Variants in GPC5 observed in about 807,000 individuals in gnomAD.
GPC5 encodes glypican-5.
Under a neutral mutation model 53.9 loss-of-function variants are expected in GPC5, and 47 were observed. The observed-to-expected ratio is 0.87, with a 90% CI of 0.69 to 1.11. The LOEUF (loss-of-function observed/expected upper bound fraction) is 1.11, where lower values mean the gene tolerates loss of function less well. GPC5 is among the 50% of genes most tolerant of loss of function. The pLI is 0.00. For missense variants in GPC5, 748 were observed against 713.1 expected (o/e 1.05, Z -0.56); for synonymous variants, 286 against 263.3 (o/e 1.09, Z -0.84).
rs1882740883 is a variant in GPC5 at position 91,473,252 on chromosome 13, C to G, written c.325+24330C>G. Among the ~76,000 whole-genome samples the G allele has an allele frequency of 3.3e-5, 5 of 152,060 alleles. No homozygotes were observed. The South Asian group carries it at 1.0e-3, about 32-fold the overall frequency. On this transcript the variant is annotated intron_variant, in intron 2 of 7. Transcript: ENST00000377067. ...GGGGATTATAGATCTCTCCTATAAT[C>G]CTGTAAGGATTACAGTTCGAGATGA...
chr13:92,105,361 GC>G (rs1452671466), intron 6 of GPC5, among the ~76,000 whole-genome samples: 6 of 151,960 alleles, frequency 3.9e-5, no homozygotes. Flanking sequence ...TGTTTAATAA[GC>G]AAAATAATAG....
chr13:91,930,733 C>G (rs888252922), intron 6 of GPC5, among the ~76,000 whole-genome samples: 1 of 151,998 alleles, frequency 6.6e-6, no homozygotes, highest in African/African-American at 2.4e-5. Flanking sequence ...CTTCTTTTCC[C>G]CAAACTAATC....
chr13:92,284,466 G>C, intron 7 of GPC5, among the ~76,000 whole-genome samples: 1 of 152,136 alleles, frequency 6.6e-6, no homozygotes, highest in Admixed American at 6.5e-5. Flanking sequence ...CGATATCCCT[G>C]ATGAACATCA....
At chr13:91,906,037 C>G (rs368524967) in intron 5 of GPC5, among the ~76,000 whole-genome samples, 5 of 151,966 alleles carry the variant, frequency 3.3e-5, no homozygotes, top group African/African-American at 7.3e-5. Context: ...CCCTCACCCC[C>G]CCTGCCAACG....
At chr13:91,933,436 T>G (rs2039840661) in intron 6 of GPC5, among the ~76,000 whole-genome samples, 1 of 152,012 alleles carries the variant, frequency 6.6e-6, no homozygotes, top group South Asian at 2.1e-4. Context: ...GCATAGAGTA[T>G]TTCTATAGAA....
At chr13:92,301,888 A>G (rs1397714563) in intron 7 of GPC5, among the ~76,000 whole-genome samples, 2 of 152,126 alleles carry the variant, frequency 1.3e-5, no homozygotes, top group African/African-American at 4.8e-5. Flanking sequence ...ACAGAGCAAG[A>G]CTGTCTCAAA....
chr13:91,485,249 G>A (rs1250127999), intron 2 of GPC5, among the ~76,000 whole-genome samples: 2 of 125,088 alleles, frequency 1.6e-5, no homozygotes, highest in African/African-American at 3.2e-5. Flanking sequence ...TCTTGTTCTT[G>A]TCCCCCAGTC....
chr13:91,471,688 C>A (rs904783795), intron 2 of GPC5, among the ~76,000 whole-genome samples: 7 of 152,100 alleles, frequency 4.6e-5, no homozygotes, highest in Non-Finnish European at 1.0e-4. Context: ...TGGCTAGTAC[C>A]TTGTTTTGAC....
At chr13:92,813,641 G>A (rs936392903) in intron 7 of GPC5, among the ~76,000 whole-genome samples, 1 of 151,964 alleles carries the variant, frequency 6.6e-6, no homozygotes, top group African/African-American at 2.4e-5. Context: ...AATACTTTTA[G>A]TCAAAACTTT....
intron 2 of GPC5, among the ~76,000 whole-genome samples, chr13:91,615,749 C>CT (rs1457598014): frequency 2.6e-5 from 4 of 152,138 alleles, no homozygotes; most frequent in Non-Finnish European, 5.9e-5. Flanking sequence ...GTCATTTCCC[C>CT]TTTACTCAAT....
At chr13:91,456,718 A>C (rs1236819841) in intron 2 of GPC5, among the ~76,000 whole-genome samples, 1 of 152,032 alleles carries the variant, frequency 6.6e-6, no homozygotes, top group Non-Finnish European at 1.5e-5. Context: ...AACAAACTTA[A>C]AAATTATATT....
chr13:91,575,549 G>A (rs931263535), intron 2 of GPC5, among the ~76,000 whole-genome samples: 2 of 152,056 alleles, frequency 1.3e-5, no homozygotes, highest in African/African-American at 2.4e-5. Flanking sequence ...TTATTCCTAG[G>A]GAGAACACGC....
chr13:92,547,443 T>A (rs1882158365), intron 7 of GPC5, among the ~76,000 whole-genome samples: 1 of 152,194 alleles, frequency 6.6e-6, no homozygotes. Flanking sequence ...TCAGCTGACT[T>A]AGTCACTGGA....
At chr13:92,529,468 G>T (rs1241420142) in intron 7 of GPC5, among the ~76,000 whole-genome samples, 5 of 152,074 alleles carry the variant, frequency 3.3e-5, no homozygotes, top group African/African-American at 1.2e-4. Flanking sequence ...AGTAATTGAA[G>T]AATTAATGAT....
intron 7 of GPC5, among the ~76,000 whole-genome samples, chr13:92,769,550 C>T (rs753311153): frequency 6.6e-6 from 1 of 151,934 alleles, no homozygotes; most frequent in Non-Finnish European, 1.5e-5. Context: ...CCAACCTGGG[C>T]AACATGGTGA....
rs537588265 is a variant in GPC5 at position 92,352,635 on chromosome 13, A to T, written c.1561+207646A>T. On this transcript the variant is annotated intron_variant, in intron 7 of 7. Coordinates refer to ENST00000377067, the MANE Select transcript of GPC5 (RefSeq NM_004466.6). ...AACATTACTGATCATGAAGATTCCA[A>T]TCAAGATAGCCCTCTGATGCCATTT... Among the ~76,000 whole-genome samples, 26 of 152,336 alleles carry T rather than the reference A, an allele frequency of 1.7e-4. No individual in the cohort carries two copies. In the South Asian group the frequency reaches 5.2e-3, roughly 30 times the overall value.
At chr13:91,431,540 G>C (rs1358058016) in intron 1 of GPC5, among the ~76,000 whole-genome samples, 1 of 152,148 alleles carries the variant, frequency 6.6e-6, no homozygotes, top group African/African-American at 2.4e-5. Context: ...AAATAGAATA[G>C]GCACTTCTCT....
At chr13:91,920,019 C>A (rs2039696021) in intron 6 of GPC5, among the ~76,000 whole-genome samples, 1 of 152,124 alleles carries the variant, frequency 6.6e-6, no homozygotes. Context: ...TATACCCTAT[C>A]TACATACAAC....
At chr13:92,207,537 C>T (rs2042346259) in intron 7 of GPC5, among the ~76,000 whole-genome samples, 3 of 152,186 alleles carry the variant, frequency 2.0e-5, no homozygotes, top group Admixed American at 1.3e-4. Context: ...TTCTCCCCAC[C>T]TCTACTTCTC....
Sources: allele counts gnomAD v4.1 joint callset (sites outside exome capture counted in the v4.1 genomes callset), GRCh38; gene constraint gnomAD v4.1.1; transcripts MANE v1.5; gene names NCBI Gene and HGNC (gene_info 2026-07-23, HGNC 2026-07-21).